Variants in EIF3F observed in about 807,000 individuals in gnomAD.
The protein encoded by EIF3F is deubiquitinating enzyme eIF3f.
A neutral mutation model predicts 36.0 loss-of-function variants in EIF3F; 8 were observed. The ratio of observed to expected loss-of-function variants is 0.22; its 90% CI spans 0.13 to 0.40. EIF3F has a LOEUF of 0.40. EIF3F is among the 10% of genes least tolerant of loss of function. The probability of loss-of-function intolerance (pLI) is 1.00; values close to 1 mark genes in which losing one functional copy is unlikely to be tolerated. For missense variants in EIF3F, 430 were observed against 467.6 expected (o/e 0.92, Z 0.74); for synonymous variants, 184 against 188.5 (o/e 0.98, Z 0.19).
At chr11:7,993,582 T>C (rs374610548) in intron 4 of EIF3F, among the ~76,000 whole-genome samples, 2 of 152,294 alleles carry the variant, frequency 1.3e-5, no homozygotes, top group East Asian at 3.9e-4. Context: ...GGTGGCATGC[T>C]GAGGAAGCAG....
intron 5 of EIF3F, 196 bp from the exon 6 acceptor site, chr11:7,994,786 G>C: frequency 2.5e-6 from 2 of 795,662 alleles, no homozygotes; most frequent in Non-Finnish European, 3.9e-6. Context: ...CCAGGTAAAA[G>C]GAGTTGAGCT....
At position 7,994,533 on chromosome 11, in the gene EIF3F, A is replaced by T; in HGVS notation, c.745+16A>T. ...CGCATCGGAGGTGAGTAACCTTTCC[A>T]TACACTCGCGAGAGGCCATAGGCAT... On this transcript the variant is annotated intron_variant, in intron 5 of 7. Transcript: ENST00000651655. The T allele has an allele frequency of 6.2e-7, 1 of 1,609,554 alleles. No individual in the cohort carries two copies. Among genetic ancestry groups the T allele is most frequent in the African/African-American group, 1.3e-5 (1 of 74,876 alleles).
intron 1 of EIF3F, among the ~76,000 whole-genome samples, chr11:7,991,296 T>C (rs1942091569): frequency 6.6e-6 from 1 of 152,182 alleles, no homozygotes. Context: ...GATAGATTTC[T>C]GGATGATGAT....
intron 4 of EIF3F, among the ~76,000 whole-genome samples, chr11:7,993,435 A>G (rs1346082126): frequency 6.6e-6 from 1 of 152,230 alleles, no homozygotes; most frequent in Non-Finnish European, 1.5e-5. Context: ...ACAGATTATA[A>G]GGATGACTGT....
rs899105201 is a variant in EIF3F at position 7,998,356 on chromosome 11, C to T, written c.*2334C>T. 1 of 152,178 alleles carries T rather than the reference C, an allele frequency of 6.6e-6. No homozygotes were observed. The highest frequency in any genetic ancestry group is 1.5e-5 in the Non-Finnish European group (1 of 68,058). The allele number at this position is 152,178 out of a possible 1,614,324, so 9.4% of individuals were successfully genotyped here. On this transcript the variant is annotated 3_prime_UTR_variant, in exon 8 of 8. Coordinates refer to ENST00000651655, the MANE Select transcript of EIF3F (RefSeq NM_003754.3). Reference sequence around the variant, plus strand: ...ACACTTATTCCTGAATGAAGCTTACCTCAGTTTCTCCAGGCGGCACATCAC... The same window carrying T: ...ACACTTATTCCTGAATGAAGCTTACTTCAGTTTCTCCAGGCGGCACATCAC...
At position 7,987,436 on chromosome 11, in the gene EIF3F, G is replaced by A; in HGVS notation, c.84G>A (p.Ala28=). The change falls in exon 1 of 8, where the codon GCG becomes GCA. Residue 28 remains alanine, a synonymous_variant. Transcript: ENST00000651655. ...CGGCGGCCCCAGCCTCAGTTCCAGC[G>A]CCAACGCCAGCACCGGCTGCGGCTC... ...VPAAAPASVP[A]PTPAPAAAPV... The A allele has an allele frequency of 1.2e-6, 2 of 1,602,506 alleles. No individual in the cohort carries two copies. The highest frequency in any genetic ancestry group is 1.7e-6 in the Non-Finnish European group (2 of 1,179,220).
At chr11:7,989,775 A>G (rs1349435379) in intron 1 of EIF3F, among the ~76,000 whole-genome samples, 1 of 152,256 alleles carries the variant, frequency 6.6e-6, no homozygotes, top group Non-Finnish European at 1.5e-5. Context: ...TGAGCTGGGC[A>G]TTAAAGCAAC....
Position 7,996,042 on chromosome 11 carries a change from C to G in EIF3F, c.*20C>G, listed in dbSNP as rs1942156256. On this transcript the variant is annotated 3_prime_UTR_variant, in exon 8 of 8. Transcript: ENST00000651655. Reference sequence around the variant, plus strand: ...CTGTGAATGGACCCCAAGCAGTACACTTGCTGGTCTAGGTATTAACCCCAG... The same window carrying G: ...CTGTGAATGGACCCCAAGCAGTACAGTTGCTGGTCTAGGTATTAACCCCAG... 1 of 1,611,712 alleles carries G rather than the reference C, an allele frequency of 6.2e-7. No homozygotes were observed. The highest frequency in any genetic ancestry group is 8.5e-7 in the Non-Finnish European group (1 of 1,177,914).
chr11:7,992,470 G>T (rs1942108671), intron 3 of EIF3F: 1 of 439,840 alleles, frequency 2.3e-6, no homozygotes, highest in South Asian at 2.5e-5. Context: ...TATTCAGGAG[G>T]CTGAGGCTAG....
chr11:7,988,859 A>C (rs1942058275), intron 1 of EIF3F, among the ~76,000 whole-genome samples: 1 of 152,242 alleles, frequency 6.6e-6, no homozygotes, highest in African/African-American at 2.4e-5. Flanking sequence ...GGCACACATT[A>C]GGTACAGCTG....
intron 1 of EIF3F, among the ~76,000 whole-genome samples, chr11:7,990,903 A>AT (rs1942085025): frequency 1.3e-5 from 2 of 150,552 alleles, no homozygotes; most frequent in African/African-American, 2.4e-5. Context: ...AAATAAATAA[A>AT]AGAAATACAG....
intron 3 of EIF3F, 138 bp from the exon 4 acceptor site, chr11:7,992,749 G>A (rs1942112085): frequency 1.9e-6 from 2 of 1,043,800 alleles, no homozygotes; most frequent in African/African-American, 1.6e-5. Flanking sequence ...TTCGGTGTGT[G>A]TATTGCTCTT....
chr11:7,995,425 C>G (rs1472547144), intron 7 of EIF3F, 58 bp downstream of exon 7: 1 of 1,359,206 alleles, frequency 7.4e-7, no homozygotes. Flanking sequence ...TCAGCACATA[C>G]ACTCAAATGT....
At chr11:7,987,834 A>G (rs978366699) in intron 1 of EIF3F, 118 bp downstream of exon 1, 28 of 1,349,344 alleles carry the variant, frequency 2.1e-5, no homozygotes, top group Non-Finnish European at 2.7e-5. Context: ...TCCCATCCCC[A>G]ATGACCTCTT....
At chr11:7,993,141 T>G in intron 4 of EIF3F, 117 bp downstream of exon 4, 1 of 1,182,978 alleles carries the variant, frequency 8.5e-7, no homozygotes, top group Non-Finnish European at 1.2e-6. Flanking sequence ...AGGAAGCCTG[T>G]TCCTCTCTCT....
At position 7,999,284 on chromosome 11, in the gene EIF3F, G is replaced by T. The variant is rs888586605; in HGVS notation, c.*3262G>T. On this transcript the variant is annotated 3_prime_UTR_variant, in exon 8 of 8. Transcript: ENST00000651655. ...CTTTCTCAAGAAAAAAAGTGAAAAG[G>T]AGGAGGGTTTTTAAAAAATTAGTAC... 1 of 152,046 alleles carries T rather than the reference G, an allele frequency of 6.6e-6. No homozygotes were observed. Among genetic ancestry groups the T allele is most frequent in the Non-Finnish European group, 1.5e-5 (1 of 67,990 alleles). The allele number at this position is 152,046 out of a possible 1,614,324, so 9.4% of individuals were successfully genotyped here.
At chr11:7,994,260 A>G (rs1380823083) in intron 4 of EIF3F, among the ~76,000 whole-genome samples, 166 bp from the exon 5 acceptor site, 1 of 152,152 alleles carries the variant, frequency 6.6e-6, no homozygotes, top group African/African-American at 2.4e-5. Context: ...AGCTAAGGGG[A>G]GAAAGTAACT....
intron 1 of EIF3F, among the ~76,000 whole-genome samples, chr11:7,988,120 C>T (rs201562131): frequency 1.3e-5 from 2 of 152,212 alleles, no homozygotes; most frequent in African/African-American, 4.8e-5. Flanking sequence ...ACTCCCTATA[C>T]CAGTGACCAC....
rs576919785 is a variant in EIF3F, at chr11:7,996,986, C to CT, written c.*966dup. 149 of 152,230 alleles carry CT rather than the reference C, an allele frequency of 9.8e-4. No homozygotes were observed. Among genetic ancestry groups the CT allele is most frequent in the African/African-American group, 3.5e-3 (145 of 41,532 alleles). The allele number at this position is 152,230 out of a possible 1,614,324, so 9.4% of individuals were successfully genotyped here. The stretch of plus-strand genomic sequence containing the variant: ...TTAATAAATGTCAGGTTAATCAACA[C>CT]TTGTGGAGAATATCACCTGGTATGT... On this transcript the variant is annotated 3_prime_UTR_variant, in exon 8 of 8. Transcript: ENST00000651655.
Sources: allele counts gnomAD v4.1 joint callset (sites outside exome capture counted in the v4.1 genomes callset), GRCh38; gene constraint gnomAD v4.1.1; transcripts MANE v1.5; gene names NCBI Gene and HGNC (gene_info 2026-07-23, HGNC 2026-07-21).